Variants in TBX4 observed in about 807,000 individuals in gnomAD.
TBX4 encodes the protein T-box transcription factor TBX4.
A neutral mutation model predicts 54.6 loss-of-function variants in TBX4; 13 were observed. The ratio of observed to expected loss-of-function variants is 0.24; its 90% CI spans 0.15 to 0.38. The LOEUF (loss-of-function observed/expected upper bound fraction) is 0.38. Among genes scored for constraint, TBX4 ranks in the 10% least tolerant of loss-of-function variants. The pLI is 1.00. For missense variants in TBX4, 631 were observed against 728.5 expected, an observed-to-expected ratio of 0.87 and a Z score of 1.54; for synonymous variants, 314 against 306.7, an observed-to-expected ratio of 1.02 and a Z score of -0.25.
intron 4 of TBX4, among the ~76,000 whole-genome samples, chr17:61,466,994 T>TA (rs1357891015): frequency 6.6e-6 from 1 of 151,936 alleles, no homozygotes; most frequent in Non-Finnish European, 1.5e-5. Context: ...CTTGTCTCTG[T>TA]AAAAAATGTA....
At position 61,479,095 on chromosome 17, in the gene TBX4, C is replaced by T. The variant is rs532158991; in HGVS notation, c.702+316C>T. ...GTTTGAGCATTGGGCCCTTTCATTC[C>T]ACAATGTTCTTTCTCCTGGTTCATC... On this transcript the variant is annotated intron_variant, in intron 6 of 8. Coordinates refer to ENST00000644296, the MANE Select transcript of TBX4 (RefSeq NM_001321120.2). This position sits in a 1 kb window ranked among gnomAD's most constrained non-coding sequence, Gnocchi z 6.1. Among the ~76,000 whole-genome samples the T allele has an allele frequency of 6.6e-6, 1 of 152,298 alleles. No individual in the cohort carries two copies. The highest frequency in any genetic ancestry group is 1.9e-4 in the East Asian group (1 of 5,186).
intron 5 of TBX4, among the ~76,000 whole-genome samples, chr17:61,477,973 A>C (rs1200226004): frequency 1.3e-5 from 2 of 151,852 alleles, no homozygotes; most frequent in African/African-American, 2.4e-5. Context: ...AAAGAAAAAG[A>C]AAGAAAGAAA....
In TBX4 at chr17:61,456,348, G is replaced by A. The variant is rs1321469743; in HGVS notation, c.-3-140G>A. On this transcript the variant is annotated intron_variant, in intron 1 of 8. Coordinates refer to ENST00000644296, the MANE Select transcript of TBX4 (RefSeq NM_001321120.2). Reference sequence around the variant, plus strand: ...CCTTCCTTGCGGGTTCCCTCCTCCAGCTCAGGAGGGGGCGGGGTCCACGTG... The same window carrying A: ...CCTTCCTTGCGGGTTCCCTCCTCCAACTCAGGAGGGGGCGGGGTCCACGTG... 3 of 1,170,248 alleles carry A rather than the reference G, an allele frequency of 2.6e-6. No homozygotes were observed. In the African/African-American group the frequency reaches 4.6e-5, roughly 18 times the overall value. 72.5% of individuals were successfully genotyped at this position (1,170,248 alleles called of 1,614,324 possible).
chr17:61,461,296 G>T lies in TBX4; in HGVS notation c.281+3665G>T, dbSNP rs1485063889. Among the ~76,000 whole-genome samples, 1 of 152,190 alleles carries T rather than the reference G, an allele frequency of 6.6e-6. No homozygotes were observed. The highest frequency in any genetic ancestry group is 1.5e-5 in the Non-Finnish European group (1 of 68,038). On this transcript the variant is annotated intron_variant, in intron 3 of 8. Coordinates refer to ENST00000644296, the MANE Select transcript of TBX4 (RefSeq NM_001321120.2). The surrounding 1 kb of genome is among the most constrained non-coding windows in gnomAD (Gnocchi z 5.1). ...TGTGTGTATGCCTCTATGTATGTGTGTGAAACGTGGAAATCGATTTATTAT... is the reference window on the plus strand; with the variant it reads ...TGTGTGTATGCCTCTATGTATGTGTTTGAAACGTGGAAATCGATTTATTAT...
Position 61,475,494 on chromosome 17 carries a change from G to C in TBX4, c.550-3133G>C, listed in dbSNP as rs1346193365. Among the ~76,000 whole-genome samples, 3 of 152,212 alleles carry C rather than the reference G, an allele frequency of 2.0e-5. No individual in the cohort carries two copies. Among genetic ancestry groups the C allele is most frequent in the African/African-American group, 7.2e-5 (3 of 41,448 alleles). ...GAGAGAAAGTAGATGGAGGTAGGGG[G>C]AGGCTGTCCTAGCAGCCCAGCCAAA... On this transcript the variant is annotated intron_variant, in intron 5 of 8. Transcript: ENST00000644296. This position sits in a 1 kb window ranked among gnomAD's most constrained non-coding sequence, Gnocchi z 5.0.
chr17:61,454,874 C>A (rs1204464233), intron 1 of TBX4, among the ~76,000 whole-genome samples: 1 of 152,252 alleles, frequency 6.6e-6, no homozygotes, highest in African/African-American at 2.4e-5. Context: ...CAGGCCGCCA[C>A]ATCTGGGACC....
chr17:61,453,005 T>G, intron 1 of TBX4: 11 of 985,242 alleles, frequency 1.1e-5, no homozygotes, highest in Non-Finnish European at 1.3e-5. Context: ...ATCAGAACAC[T>G]AGACTCAGAG....
rs1183430952 is a variant in TBX4 at position 61,478,804 on chromosome 17, AC to A, written c.702+26del. 2 of 1,614,012 alleles carry A rather than the reference AC, an allele frequency of 1.2e-6. No individual in the cohort carries two copies. The highest frequency in any genetic ancestry group is 1.7e-6 in the Non-Finnish European group (2 of 1,179,988). On this transcript the variant is annotated intron_variant, in intron 6 of 8. Coordinates refer to ENST00000644296, the MANE Select transcript of TBX4 (RefSeq NM_001321120.2). The surrounding 1 kb of genome is among the most constrained non-coding windows in gnomAD (Gnocchi z 7.4). ...GGTACAGCCACTGCCCCACTGCCCC[AC>A]AGCCCCACTTAACACCACCCTGCGT...
intron 4 of TBX4, 67 bp from the exon 5 acceptor site, chr17:61,467,443 G>C (rs2060544509): frequency 6.2e-7 from 1 of 1,604,224 alleles, no homozygotes; most frequent in Non-Finnish European, 8.5e-7. Flanking sequence ...TGCTCCAAGA[G>C]GGGACGGGGA....
rs932772119 is a variant in TBX4 at position 61,459,497 on chromosome 17, C to T, written c.281+1866C>T. 2.0e-5 allele frequency among the ~76,000 whole-genome samples: 3 copies of T among 152,322 alleles called. No homozygotes were observed. The highest frequency in any genetic ancestry group is 3.4e-3 in the Middle Eastern group (1 of 294). On this transcript the variant is annotated intron_variant, in intron 3 of 8. Transcript: ENST00000644296. The surrounding 1 kb of genome is among the most constrained non-coding windows in gnomAD (Gnocchi z 4.8). Reference sequence around the variant, plus strand: ...AACCTTGTCTCTTGAAAATAACTGGCCAGCATGTTCTCTGGGCATGTCTGG... The same window carrying T: ...AACCTTGTCTCTTGAAAATAACTGGTCAGCATGTTCTCTGGGCATGTCTGG...
chr17:61,453,976 A>G (rs1309509147), intron 1 of TBX4, among the ~76,000 whole-genome samples: 1 of 152,264 alleles, frequency 6.6e-6, no homozygotes, highest in African/African-American at 2.4e-5. Context: ...AGAATAAAAA[A>G]TTACAATAGA....
chr17:61,477,042 T>C (rs2143851822), intron 5 of TBX4, among the ~76,000 whole-genome samples: 1 of 152,276 alleles, frequency 6.6e-6, no homozygotes, highest in South Asian at 2.1e-4. Context: ...TCAGCGTCAG[T>C]ACCAGGTCCC....
chr17:61,477,168 C>G (rs2060626420), intron 5 of TBX4, among the ~76,000 whole-genome samples: 1 of 152,212 alleles, frequency 6.6e-6, no homozygotes, highest in Non-Finnish European at 1.5e-5. Context: ...CCTGGCCTGG[C>G]CAGGACAGAA....
Position 61,475,932 on chromosome 17 carries a change from C to T in TBX4, c.550-2695C>T, listed in dbSNP as rs1242606642. ...GCACATGTTTCATCACCACTTTTGA[C>T]CTAGGAAATGCCTTAGAGATGATCT... On this transcript the variant is annotated intron_variant, in intron 5 of 8. Transcript: ENST00000644296. This position sits in a 1 kb window ranked among gnomAD's most constrained non-coding sequence, Gnocchi z 5.0. Among the ~76,000 whole-genome samples the T allele has an allele frequency of 2.0e-5, 3 of 152,082 alleles. No homozygotes were observed. The highest frequency in any genetic ancestry group is 7.2e-5 in the African/African-American group (3 of 41,398).
intron 1 of TBX4, among the ~76,000 whole-genome samples, chr17:61,455,175 C>T (rs545336781): frequency 8.5e-4 from 130 of 152,230 alleles, no homozygotes; most frequent in Non-Finnish European, 1.6e-3. Context: ...TTTTTATCTC[C>T]TGGGTTGCAC....
Position 61,457,539 on chromosome 17 carries a change from C to T in TBX4, c.189C>T (p.Thr63=). The part of the protein sequence containing the change: ...DVVAAAAAEQ[T]IENIKVGLHE... The stretch of plus-strand genomic sequence containing the variant: ...GTTTCTCTCCCTCCCATCCCCAGAC[C>T]ATCGAGAACATCAAGGTGGGGCTGC... The change falls in exon 3 of 9, where the codon ACC becomes ACT. Residue 63 remains threonine, a splice_region_variant and synonymous_variant. Transcript: ENST00000644296. The surrounding 1 kb of genome is among the most constrained non-coding windows in gnomAD (Gnocchi z 8.2). The T allele has an allele frequency of 6.2e-7, 1 of 1,613,868 alleles. No homozygotes were observed. Among genetic ancestry groups the T allele is most frequent in the Non-Finnish European group, 8.5e-7 (1 of 1,179,882 alleles).
chr17:61,453,070 A>G, intron 1 of TBX4: 3 of 840,490 alleles, frequency 3.6e-6, no homozygotes, highest in Non-Finnish European at 4.3e-6. Flanking sequence ...TATATAAATA[A>G]TGATCGATGA....
chr17:61,458,362 C>T (rs1001880247), intron 3 of TBX4, among the ~76,000 whole-genome samples: 1 of 151,678 alleles, frequency 6.6e-6, no homozygotes, highest in Admixed American at 6.6e-5. Flanking sequence ...TGGAGGAGAA[C>T]GGTTATCAGG....
At chr17:61,469,005 G>C (rs8076015) in intron 5 of TBX4, among the ~76,000 whole-genome samples, 2 of 151,952 alleles carry the variant, frequency 1.3e-5, no homozygotes, top group Non-Finnish European at 2.9e-5. Context: ...GGCCCACGAC[G>C]GCACACACAC....
Sources: gnomAD v4.1 joint callset for allele counts (sites outside exome capture counted in the v4.1 genomes callset) on GRCh38, gnomAD v4.1.1 for gene constraint, Gnocchi (gnomAD v3.1) non-coding constraint, MANE v1.5 for transcripts, NCBI Gene and HGNC (gene_info 2026-07-23, HGNC 2026-07-21) for gene names.